Variants in PLXNA4 observed in about 807,000 individuals in gnomAD.
The protein encoded by PLXNA4 is plexin A4.
Under a neutral mutation model 191.8 loss-of-function variants are expected in PLXNA4, and 44 were observed. That is an observed-to-expected ratio of 0.23 (90% confidence interval 0.18 to 0.29). PLXNA4 has a LOEUF of 0.29. Ranked by LOEUF, PLXNA4 falls within the 10% of genes least tolerant of loss-of-function variation. The pLI, the probability that PLXNA4 is intolerant of heterozygous loss-of-function variation, is 1.00. For synonymous variants in PLXNA4, 1,082 were observed against 1,009.5 expected (o/e 1.07, Z -1.36); for missense variants, 1,800 against 2,488.8 (o/e 0.72, Z 5.89).
chr7:132,131,648 G>A (rs976325671), intron 31 of PLXNA4, among the ~76,000 whole-genome samples: 1 of 152,262 alleles, frequency 6.6e-6, no homozygotes, highest in Non-Finnish European at 1.5e-5. Context: ...TCATTTCATA[G>A]ATGGGTTATT....
At chr7:132,134,280 C>CCTTCA (rs1795051982) in intron 30 of PLXNA4, among the ~76,000 whole-genome samples, 1 of 152,216 alleles carries the variant, frequency 6.6e-6, no homozygotes, top group African/African-American at 2.4e-5. Context: ...CCAGCCCTAT[C>CCTTCA]CTTCACTTCT....
At chr7:132,484,900 C>G (rs1797486438) in intron 3 of PLXNA4, 3 of 1,614,208 alleles carry the variant, frequency 1.9e-6, no homozygotes, top group Non-Finnish European at 8.5e-7. Context: ...GACTTGAGCA[C>G]TGAAGATACA....
intron 10 of PLXNA4, among the ~76,000 whole-genome samples, chr7:132,206,730 A>T (rs1408444023): frequency 6.6e-6 from 1 of 152,120 alleles, no homozygotes; most frequent in Non-Finnish European, 1.5e-5. Context: ...AGGGGTGGGC[A>T]TGGCAGATGG....
intron 4 of PLXNA4, among the ~76,000 whole-genome samples, chr7:132,275,067 C>T (rs1800221093): frequency 6.6e-6 from 1 of 152,112 alleles, no homozygotes; most frequent in African/African-American, 2.4e-5. Context: ...TACTTTGAGA[C>T]TATGCAAATA....
intron 31 of PLXNA4, 121 bp from the exon 32 acceptor site, chr7:132,130,695 G>T: frequency 1.4e-6 from 2 of 1,445,854 alleles, no homozygotes; most frequent in Non-Finnish European, 1.9e-6. Flanking sequence ...ATGTGCAGGG[G>T]CACACAGGAC....
chr7:132,450,627 C>T (rs1001721436), intron 3 of PLXNA4, among the ~76,000 whole-genome samples: 1 of 152,176 alleles, frequency 6.6e-6, no homozygotes, highest in African/African-American at 2.4e-5. Context: ...AGGACCCTGC[C>T]CTCAACTGAA....
intron 3 of PLXNA4, among the ~76,000 whole-genome samples, chr7:132,423,239 T>G (rs1052776625): frequency 6.6e-6 from 1 of 152,260 alleles, no homozygotes; most frequent in African/African-American, 2.4e-5. Context: ...CACTTTTACA[T>G]CAATCAGATT....
intron 2 of PLXNA4, among the ~76,000 whole-genome samples, chr7:132,612,426 T>G (rs1307463361): frequency 6.6e-6 from 1 of 152,038 alleles, no homozygotes; most frequent in African/African-American, 2.4e-5. Flanking sequence ...TTTGGGAGAC[T>G]GAGGTGGGCA....
intron 4 of PLXNA4, among the ~76,000 whole-genome samples, chr7:132,289,912 A>T (rs1343316561): frequency 6.6e-6 from 1 of 152,046 alleles, no homozygotes; most frequent in Non-Finnish European, 1.5e-5. Flanking sequence ...GAATGAATGA[A>T]TCAGGCCTGA....
In PLXNA4 at chr7:132,633,931, TCA is replaced by T. The variant is rs145260888; in HGVS notation, c.-87+11995_-87+11996del. 4.6e-5 allele frequency among the ~76,000 whole-genome samples: 7 copies of T among 150,878 alleles called. No individual in the cohort carries two copies. The East Asian group carries it at 1.2e-3, about 25-fold the overall frequency. On this transcript the variant is annotated intron_variant, in intron 2 of 4. Coordinates refer to the PLXNA4 transcript ENST00000378539. ...CAGCACACACAGCAACTCCAGCACATCACACACACACACACGCACATGCACCA... is the reference window on the plus strand; with the variant it reads ...CAGCACACACAGCAACTCCAGCACATCACACACACACACGCACATGCACCA...
At chr7:132,222,651 TGA>T (rs1798186169) in intron 9 of PLXNA4, among the ~76,000 whole-genome samples, 1 of 152,210 alleles carries the variant, frequency 6.6e-6, no homozygotes, top group South Asian at 2.1e-4. Flanking sequence ...CAATATTGGC[TGA>T]GAGAGTGCAA....
intron 2 of PLXNA4, among the ~76,000 whole-genome samples, chr7:132,640,859 T>C (rs1563201721): frequency 6.6e-6 from 1 of 152,198 alleles, no homozygotes; most frequent in Admixed American, 6.5e-5. Context: ...GAAAAACTCT[T>C]TTAGAATCAT....
In PLXNA4 at chr7:132,128,024, C is replaced by CTCA. The variant is rs1201830436; in HGVS notation, c.*2452_*2454dup. On this transcript the variant is annotated 3_prime_UTR_variant, in exon 32 of 32. Transcript: ENST00000321063. Reference sequence around the variant, plus strand: ...AAAAAAAAAAATCAAAATGCACTCACTCATACACACGTTCACACACGCAGC... The same window carrying CTCA: ...AAAAAAAAAAATCAAAATGCACTCACTCATCATACACACGTTCACACACGCAGC... The CTCA allele has an allele frequency of 1.3e-5, 2 of 148,526 alleles. No homozygotes were observed. Among genetic ancestry groups the CTCA allele is most frequent in the Non-Finnish European group, 3.0e-5 (2 of 67,622 alleles). 9.2% of individuals were successfully genotyped at this position (148,526 alleles called of 1,614,324 possible). A position where few individuals can be genotyped will look rare whatever the true frequency, so the allele number is the denominator to read the frequency against.
intron 3 of PLXNA4, among the ~76,000 whole-genome samples, chr7:132,325,199 G>T (rs17818597): frequency 0.08 from 12,151 of 152,206 alleles, 726 homozygotes; most frequent in Admixed American, 0.19. Context: ...GGCTTCTAGG[G>T]TGCCTAACAG....
At chr7:132,466,181 G>A (rs1441787830) in intron 3 of PLXNA4, among the ~76,000 whole-genome samples, 2 of 152,212 alleles carry the variant, frequency 1.3e-5, no homozygotes, top group African/African-American at 2.4e-5. Context: ...GGATCCAAGA[G>A]AGAGGGCCAG....
At chr7:132,422,024 C>A (rs1236002371) in intron 3 of PLXNA4, among the ~76,000 whole-genome samples, 1 of 152,184 alleles carries the variant, frequency 6.6e-6, no homozygotes, top group East Asian at 1.9e-4. Context: ...TGCCCTGAGC[C>A]TTTCACAGGG....
chr7:132,474,648 G>GCACA (rs929391680), intron 3 of PLXNA4, among the ~76,000 whole-genome samples: 4 of 151,296 alleles, frequency 2.6e-5, no homozygotes, highest in Admixed American at 6.6e-5. Context: ...GCGCGCGCAC[G>GCACA]CACACACACA....
At chr7:132,143,544 A>AT (rs557359775) in intron 29 of PLXNA4, among the ~76,000 whole-genome samples, 62 of 152,050 alleles carry the variant, frequency 4.1e-4, no homozygotes, top group East Asian at 9.7e-4. Flanking sequence ...TGGGCAGAGC[A>AT]TTTTTTTTTA....
intron 2 of PLXNA4, among the ~76,000 whole-genome samples, chr7:132,495,571 T>G (rs1366347312): frequency 6.6e-6 from 1 of 152,180 alleles, no homozygotes; most frequent in African/African-American, 2.4e-5. Context: ...AAATCAGATC[T>G]GGTCTTCCCA....
Sources: gnomAD v4.1 joint callset for allele counts (sites outside exome capture counted in the v4.1 genomes callset) on GRCh38, gnomAD v4.1.1 for gene constraint, MANE v1.5 for transcripts, NCBI Gene and HGNC (gene_info 2026-07-23, HGNC 2026-07-21) for gene names.